Variants in PYM1 observed in about 807,000 individuals in gnomAD.
PYM1 encodes the protein partner of Y14 and mago.
Under a neutral mutation model 20.7 loss-of-function variants are expected in PYM1, and 7 were observed. That is an observed-to-expected ratio of 0.34 (90% CI 0.19 to 0.64). The LOEUF is 0.64. Among genes scored for constraint, PYM1 ranks in the 30% least tolerant of loss-of-function variants. PYM1 has a pLI of 0.74. For missense variants in PYM1, 194 were observed against 250.0 expected (o/e 0.78, Z 1.51); for synonymous variants, 100 against 99.2 (o/e 1.01, Z -0.05).
chr12:55,916,275 C>T (rs941096073), intron 1 of PYM1, among the ~76,000 whole-genome samples: 1 of 151,314 alleles, frequency 6.6e-6, no homozygotes, highest in Non-Finnish European at 1.5e-5. Flanking sequence ...GCAGAGGTTG[C>T]AGTGAGCTGA....
intron 1 of PYM1, among the ~76,000 whole-genome samples, chr12:55,916,475 CA>C (rs1020343588): frequency 3.8e-4 from 58 of 152,142 alleles, no homozygotes; most frequent in African/African-American, 1.3e-3. Flanking sequence ...AGGGTATGGG[CA>C]AAAACATAGC....
chr12:55,908,946 G>A (rs541425220), intron 1 of PYM1, among the ~76,000 whole-genome samples: 1 of 152,266 alleles, frequency 6.6e-6, no homozygotes, highest in Admixed American at 6.5e-5. Flanking sequence ...CATGAGCAAA[G>A]GGGCTCAAAC....
intron 1 of PYM1, among the ~76,000 whole-genome samples, chr12:55,908,220 G>A (rs1289579181): frequency 6.6e-6 from 1 of 151,492 alleles, no homozygotes; most frequent in Non-Finnish European, 1.5e-5. Flanking sequence ...TCCAACCTGG[G>A]CGACAGAGAA....
chr12:55,925,969 G>A (rs548545862), intron 1 of PYM1, among the ~76,000 whole-genome samples: 2 of 152,318 alleles, frequency 1.3e-5, no homozygotes, highest in South Asian at 2.1e-4. Flanking sequence ...AGAAGTAGCA[G>A]CAACCTGGGT....
intron 1 of PYM1, among the ~76,000 whole-genome samples, chr12:55,924,210 C>T (rs987372661): frequency 6.6e-6 from 1 of 151,986 alleles, no homozygotes; most frequent in African/African-American, 2.4e-5. Context: ...AACAGTATAT[C>T]CAAGAGTGAA....
chr12:55,908,053 G>A (rs1487703968), intron 1 of PYM1, among the ~76,000 whole-genome samples: 1 of 152,028 alleles, frequency 6.6e-6, no homozygotes, highest in Non-Finnish European at 1.5e-5. Flanking sequence ...AGACCAGCCT[G>A]GCCAACATGG....
intron 1 of PYM1, among the ~76,000 whole-genome samples, chr12:55,915,044 T>C (rs1011099272): frequency 1.3e-5 from 2 of 151,468 alleles, no homozygotes; most frequent in African/African-American, 2.4e-5. Flanking sequence ...TGAAACCCCA[T>C]CTCCACTAAA....
intron 1 of PYM1, chr12:55,914,263 C>T: frequency 2.8e-6 from 2 of 701,964 alleles, no homozygotes. Context: ...AGCCCATTAT[C>T]ACAAAGGAGC....
chr12:55,927,167 C>G, intron 1 of PYM1: 3 of 1,550,900 alleles, frequency 1.9e-6, no homozygotes, highest in Non-Finnish European at 2.6e-6. Context: ...CCCCTCCCCA[C>G]CGGAAGTGGA....
At position 55,901,740 on chromosome 12, in the gene PYM1, G is replaced by C; in HGVS notation, c.*132C>G. ...GGGAGACGCTAGGCTCTGGAGGACA[G>C]AGCTGGGCCGCAGGAGGTGGAAGTA... is the stretch of plus-strand genomic sequence containing the variant. On this transcript the variant is annotated 3_prime_UTR_variant, in exon 3 of 3. Coordinates refer to ENST00000408946, the MANE Select transcript of PYM1 (RefSeq NM_032345.3). 1.5e-6 allele frequency: 2 copies of C among 1,293,142 alleles called. No homozygotes were observed. The highest frequency in any genetic ancestry group is 2.5e-5 in the Admixed American group (1 of 39,264). The allele number at this position is 1,293,142 out of a possible 1,614,324, so 80.1% of individuals were successfully genotyped here.
At chr12:55,919,696 G>A (rs183874449) in intron 1 of PYM1, among the ~76,000 whole-genome samples, 370 of 151,942 alleles carry the variant, frequency 2.4e-3, no homozygotes, top group African/African-American at 8.4e-3. Flanking sequence ...TCAGGAGTTC[G>A]AGACCAGCCT....
At chr12:55,923,318 C>G (rs1342509289) in intron 1 of PYM1, among the ~76,000 whole-genome samples, 1 of 152,174 alleles carries the variant, frequency 6.6e-6, no homozygotes, top group Non-Finnish European at 1.5e-5. Context: ...GTAATTCTAG[C>G]ACTTTGGGAG....
chr12:55,922,490 G>A (rs1383985850), intron 1 of PYM1, among the ~76,000 whole-genome samples: 1 of 145,164 alleles, frequency 6.9e-6, no homozygotes, highest in East Asian at 2.1e-4. Context: ...GATAGCACAC[G>A]CCTGTGGTCC....
At chr12:55,909,182 T>C (rs796792261) in intron 1 of PYM1, among the ~76,000 whole-genome samples, 6 of 145,514 alleles carry the variant, frequency 4.1e-5, no homozygotes, top group African/African-American at 1.7e-4. Flanking sequence ...GTGACAAGAA[T>C]AAAAACCAAA....
At chr12:55,904,519 C>T (rs1426597244) in intron 1 of PYM1, among the ~76,000 whole-genome samples, 1 of 149,826 alleles carries the variant, frequency 6.7e-6, no homozygotes, top group Non-Finnish European at 1.5e-5. Flanking sequence ...TCACTTGAAC[C>T]CAGGAGGCGG....
intron 1 of PYM1, among the ~76,000 whole-genome samples, chr12:55,919,948 T>C (rs920317445): frequency 6.6e-6 from 1 of 151,804 alleles, no homozygotes; most frequent in African/African-American, 2.4e-5. Flanking sequence ...GGCTCATGCC[T>C]GTAATCCCAC....
At chr12:55,925,804 G>A (rs531349725) in intron 1 of PYM1, among the ~76,000 whole-genome samples, 1 of 152,348 alleles carries the variant, frequency 6.6e-6, no homozygotes, top group African/African-American at 2.4e-5. Flanking sequence ...GATTTTCACG[G>A]AGTCAGGGTA....
At chr12:55,917,504 G>A (rs1301953900) in intron 1 of PYM1, among the ~76,000 whole-genome samples, 1 of 152,098 alleles carries the variant, frequency 6.6e-6, no homozygotes, top group Non-Finnish European at 1.5e-5. Context: ...GTAGCAACAT[G>A]GATGCAGCTG....
rs959393254 is a variant in PYM1, at chr12:55,913,834, A to G, written c.38-10354T>C. On this transcript the variant is annotated intron_variant, in intron 1 of 2. Coordinates refer to ENST00000408946, the MANE Select transcript of PYM1 (RefSeq NM_032345.3). ...TCACATTTATTCACACGTGGATTTT[A>G]AATTTTTATTGAGCACTTACTCTTG... 3 of 153,270 alleles carry G rather than the reference A, an allele frequency of 2.0e-5. No individual in the cohort carries two copies. The East Asian group carries it at 5.7e-4, about 29-fold the overall frequency. The allele number at this position is 153,270 out of a possible 1,614,324, so 9.5% of individuals were successfully genotyped here. A position where few individuals can be genotyped will look rare whatever the true frequency, so the allele number is the denominator to read the frequency against.
Sources: allele counts gnomAD v4.1 joint callset (sites outside exome capture counted in the v4.1 genomes callset), GRCh38; gene constraint gnomAD v4.1.1; transcripts MANE v1.5; gene names NCBI Gene and HGNC (gene_info 2026-07-23, HGNC 2026-07-21).